The following DENND2A variants were observed in gnomAD, a reference collection of about 807,000 sequenced individuals.
The protein encoded by DENND2A is DENN domain-containing protein 2A.
In DENND2A, 53 loss-of-function variants were observed where a neutral mutation model predicts 105.3. That is an observed-to-expected ratio of 0.50 (90% CI 0.40 to 0.63). The LOEUF (loss-of-function observed/expected upper bound fraction) is 0.63. Among genes scored for constraint, DENND2A ranks in the 30% least tolerant of loss-of-function variants. The pLI is 0.00. For missense variants in DENND2A, 1,138 were observed against 1,279.6 expected, an observed-to-expected ratio of 0.89 and a Z score of 1.69; for synonymous variants, 522 against 508.4, an observed-to-expected ratio of 1.03 and a Z score of -0.36.
chr7:140,635,036 G>T (rs1800869589), intron 1 of DENND2A, among the ~76,000 whole-genome samples: 1 of 152,122 alleles, frequency 6.6e-6, no homozygotes, highest in East Asian at 1.9e-4. Flanking sequence ...GCCGAGGCAG[G>T]TGGATTGCTT....
At chr7:140,555,078 A>T (rs537148369) in intron 12 of DENND2A, among the ~76,000 whole-genome samples, 1 of 151,930 alleles carries the variant, frequency 6.6e-6, no homozygotes, top group Admixed American at 6.6e-5. Context: ...TCTCAACTTC[A>T]ATTATCTTGC....
At chr7:140,599,635 T>C (rs1237696530) in intron 3 of DENND2A, among the ~76,000 whole-genome samples, 1 of 151,966 alleles carries the variant, frequency 6.6e-6, no homozygotes, top group Non-Finnish European at 1.5e-5. Flanking sequence ...AGTAATGCTA[T>C]ATGCTCCTTA....
rs1795944271 is a variant in DENND2A, at chr7:140,523,700, A to G, written c.2548-276T>C. Among the ~76,000 whole-genome samples, 1 of 152,094 alleles carries G rather than the reference A, an allele frequency of 6.6e-6. No homozygotes were observed. The highest frequency in any genetic ancestry group is 1.5e-5 in the Non-Finnish European group (1 of 68,020). On this transcript the variant is annotated intron_variant, in intron 16 of 19. Transcript: ENST00000496613. This position sits in a 1 kb window ranked among gnomAD's most constrained non-coding sequence, Gnocchi z 4.5. ...TCAAGCAATTCTGCCTCAGCCTCCC[A>G]AGTAGCTGGAACTACAGGCGCGTGC...
chr7:140,599,584 G>A lies in DENND2A; in HGVS notation c.995+1819C>T, dbSNP rs1336340991. Among the ~76,000 whole-genome samples, 3 of 152,096 alleles carry A rather than the reference G, an allele frequency of 2.0e-5. No individual in the cohort carries two copies. In the East Asian group the frequency reaches 5.8e-4, roughly 29 times the overall value. On this transcript the variant is annotated intron_variant, in intron 3 of 19. Coordinates refer to ENST00000496613, the MANE Select transcript of DENND2A (RefSeq NM_015689.5). ...GGTAAAATGAGGCCAACACAATTTA[G>A]TTGCTTGTCCAATGTCCCACAGCTA...
intron 12 of DENND2A, among the ~76,000 whole-genome samples, chr7:140,552,882 C>T (rs1797195516): frequency 6.6e-6 from 1 of 151,800 alleles, no homozygotes; most frequent in Non-Finnish European, 1.5e-5. Flanking sequence ...CAAGTTCTAC[C>T]ATGGGAAGAG....
chr7:140,524,573 TTC>T (rs745984367), intron 16 of DENND2A, among the ~76,000 whole-genome samples: 1 of 151,996 alleles, frequency 6.6e-6, no homozygotes, highest in Non-Finnish European at 1.5e-5. Context: ...TTCCTGTCTC[TTC>T]TCTCTTTTTT....
chr7:140,560,401 A>G (rs767407219), intron 9 of DENND2A, among the ~76,000 whole-genome samples: 1 of 152,224 alleles, frequency 6.6e-6, no homozygotes, highest in African/African-American at 2.4e-5. Flanking sequence ...TCCTGGTCAC[A>G]TGAGTTAATG....
intron 10 of DENND2A, 107 bp from the exon 11 acceptor site, chr7:140,558,319 G>T: frequency 1.2e-6 from 1 of 807,984 alleles, no homozygotes; most frequent in South Asian, 1.6e-5. Context: ...CACACTGCAG[G>T]AGGCTGTAGG....
At chr7:140,562,092 G>A (rs1797640122) in intron 9 of DENND2A, among the ~76,000 whole-genome samples, 1 of 151,838 alleles carries the variant, frequency 6.6e-6, no homozygotes, top group African/African-American at 2.4e-5. Flanking sequence ...GCTTCACCAT[G>A]TTGGCCAGGC....
At chr7:140,544,787 C>T (rs1158893673) in intron 13 of DENND2A, 21 bp from the exon 14 acceptor site, 1 of 1,559,564 alleles carries the variant, frequency 6.4e-7, no homozygotes, top group Non-Finnish European at 8.7e-7. Context: ...ACAGGAGCAG[C>T]CATGAAGGAG....
chr7:140,591,956 TCCCCTCCCCTC>T (rs1456425120), intron 3 of DENND2A, among the ~76,000 whole-genome samples: 1 of 21,138 alleles, frequency 4.7e-5, no homozygotes, highest in Non-Finnish European at 7.4e-5. Context: ...CCCTCCCTAC[TCCCCTCCCCTC>T]CCCCTCCCCT....
intron 13 of DENND2A, among the ~76,000 whole-genome samples, chr7:140,546,274 C>T (rs929689705): frequency 4.6e-5 from 7 of 151,790 alleles, no homozygotes; most frequent in South Asian, 2.1e-4. Context: ...AAAAATTAGC[C>T]GGGTGTGGCA....
intron 4 of DENND2A, among the ~76,000 whole-genome samples, chr7:140,586,564 A>G (rs1022300371): frequency 2.6e-5 from 4 of 152,132 alleles, no homozygotes; most frequent in Non-Finnish European, 5.9e-5. Flanking sequence ...TCAAAAAATA[A>G]AAAATAAAAA....
At chr7:140,569,167 T>C (rs914347814) in intron 7 of DENND2A, among the ~76,000 whole-genome samples, 3 of 152,210 alleles carry the variant, frequency 2.0e-5, no homozygotes, top group African/African-American at 7.2e-5. Flanking sequence ...CTCAGGTAGA[T>C]CCGCCTGTCT....
intron 16 of DENND2A, among the ~76,000 whole-genome samples, chr7:140,524,325 A>G (rs1212152203): frequency 6.6e-6 from 1 of 152,230 alleles, no homozygotes; most frequent in Non-Finnish European, 1.5e-5. Flanking sequence ...AGGCCTCTCT[A>G]GCAAATGATA....
chr7:140,591,880 T>A (rs1799050083), intron 3 of DENND2A, among the ~76,000 whole-genome samples: 1 of 109,020 alleles, frequency 9.2e-6, no homozygotes, highest in Non-Finnish European at 1.8e-5. Context: ...CCTTCCTTCC[T>A]TCTTTCTTTC....
Position 140,601,792 on chromosome 7 carries a change from A to T in DENND2A, c.606T>A (p.Pro202=), listed in dbSNP as rs1164168686. Residue 202 remains proline, a synonymous_variant, in exon 3 of 20, where the codon CCT becomes CCA. Coordinates refer to ENST00000496613, the MANE Select transcript of DENND2A (RefSeq NM_015689.5). ...AGCCACTCCCGCCTCCCAGGTTCTC[A>T]GGAAGGGTGGACCCTGCCTCTGCCT... ...PDKAEAGSTL[P]ENLGGGSGSE... is the part of the protein sequence containing the mutation. 1 of 1,614,030 alleles carries T rather than the reference A, an allele frequency of 6.2e-7. No individual in the cohort carries two copies. The highest frequency in any genetic ancestry group is 1.7e-5 in the Admixed American group (1 of 60,002).
intron 1 of DENND2A, among the ~76,000 whole-genome samples, chr7:140,636,412 A>C (rs1030527699): frequency 6.6e-6 from 1 of 152,160 alleles, no homozygotes; most frequent in Admixed American, 6.5e-5. Flanking sequence ...AAGCAGCGAT[A>C]CAGGAGTCCA....
intron 1 of DENND2A, among the ~76,000 whole-genome samples, chr7:140,633,846 A>G (rs1800823777): frequency 6.6e-6 from 1 of 152,018 alleles, no homozygotes; most frequent in Admixed American, 6.6e-5. Flanking sequence ...GACTCACTGC[A>G]ATCTCTGCCC....
Sources: gnomAD v4.1 joint callset for allele counts (sites outside exome capture counted in the v4.1 genomes callset) on GRCh38, gnomAD v4.1.1 for gene constraint, Gnocchi (gnomAD v3.1) non-coding constraint, MANE v1.5 for transcripts, NCBI Gene and HGNC (gene_info 2026-07-23, HGNC 2026-07-21) for gene names.